The following PRKAR1B variants were observed in gnomAD, a reference collection of about 807,000 sequenced individuals.
PRKAR1B encodes the protein cAMP-dependent protein kinase type I-beta regulatory subunit.
Under a neutral mutation model 46.5 loss-of-function variants are expected in PRKAR1B, and 22 were observed. The observed-to-expected ratio is 0.47, with a 90% CI of 0.34 to 0.68. The LOEUF is 0.68. Ranked by LOEUF, PRKAR1B falls within the 30% of genes least tolerant of loss-of-function variation. The pLI is 0.01. For synonymous variants in PRKAR1B, 259 were observed against 217.7 expected (o/e 1.19, Z -1.67); for missense variants, 445 against 535.6 (o/e 0.83, Z 1.67).
In PRKAR1B at chr7:666,374, G is replaced by A. The variant is rs1405687054; in HGVS notation, c.440+10855C>T. ...GGAGCACGCGGGGCTGCTTCCTGAG[G>A]CTGCTGAGGTCCCTGGCCGAGGCGT... On this transcript the variant is annotated intron_variant, in intron 4 of 10. Coordinates refer to ENST00000537384, the MANE Select transcript of PRKAR1B (RefSeq NM_001164760.2). This position sits in a 1 kb window ranked among gnomAD's most constrained non-coding sequence, Gnocchi z 4.9. Among the ~76,000 whole-genome samples, 2 of 152,154 alleles carry A rather than the reference G, an allele frequency of 1.3e-5. No individual in the cohort carries two copies. Among genetic ancestry groups the A allele is most frequent in the African/African-American group, 4.8e-5 (2 of 41,438 alleles).
chr7:615,825 C>CAAAAAAAAAAAAAAAAA (rs71016887), intron 4 of PRKAR1B, among the ~76,000 whole-genome samples: 1 of 94,450 alleles, frequency 1.1e-5, no homozygotes. Flanking sequence ...AAGACTCCAT[C>CAAAAAAAAAAAAAAAAA]AAAAAAAAAA....
At chr7:556,146 A>C (rs1381227707) in intron 9 of PRKAR1B, among the ~76,000 whole-genome samples, 1 of 152,122 alleles carries the variant, frequency 6.6e-6, no homozygotes, top group Non-Finnish European at 1.5e-5. Flanking sequence ...GCACCCCTGA[A>C]GCCTTTGTGA....
chr7:692,457 A>G (rs1779487127), intron 2 of PRKAR1B, among the ~76,000 whole-genome samples: 1 of 152,048 alleles, frequency 6.6e-6, no homozygotes, highest in East Asian at 1.9e-4. Context: ...GGAGAAGAGA[A>G]GAGGAGAAGA....
In PRKAR1B at chr7:590,560, C is replaced by T. The variant is rs996852695; in HGVS notation, c.708+5586G>A. 7.2e-5 allele frequency among the ~76,000 whole-genome samples: 11 copies of T among 152,240 alleles called. No homozygotes were observed. In the East Asian group the frequency reaches 7.7e-4, roughly 11 times the overall value. ...CCCAGGCCTTGCAAGTCACAGCAGA[C>T]GCAGACGCAGGAGATGCAGGTGGGA... is the stretch of plus-strand genomic sequence containing the variant. On this transcript the variant is annotated intron_variant, in intron 7 of 10. Transcript: ENST00000537384.
chr7:638,650 A>C (rs990632969), intron 4 of PRKAR1B, among the ~76,000 whole-genome samples: 3 of 152,262 alleles, frequency 2.0e-5, no homozygotes, highest in Admixed American at 2.0e-4. Context: ...GAAGACGGGC[A>C]GGACTTCGAA....
intron 9 of PRKAR1B, among the ~76,000 whole-genome samples, chr7:571,201 A>C (rs1375523126): frequency 1.3e-5 from 2 of 152,052 alleles, no homozygotes; most frequent in Non-Finnish European, 2.9e-5. Flanking sequence ...TGGCACCGGC[A>C]CTGTCCAAGA....
chr7:634,557 T>G (rs1583331740), intron 4 of PRKAR1B, among the ~76,000 whole-genome samples: 1 of 151,804 alleles, frequency 6.6e-6, no homozygotes, highest in Admixed American at 6.6e-5. Flanking sequence ...GGGTGAGCGC[T>G]GTGCCTGTGA....
chr7:614,480 G>A (rs1026243872), intron 4 of PRKAR1B, among the ~76,000 whole-genome samples: 2 of 152,232 alleles, frequency 1.3e-5, no homozygotes, highest in Non-Finnish European at 2.9e-5. Context: ...GCCAGATGTG[G>A]TGGGTGGCTC....
intron 7 of PRKAR1B, among the ~76,000 whole-genome samples, chr7:591,508 G>A (rs560863607): frequency 1.3e-5 from 2 of 152,308 alleles, no homozygotes; most frequent in South Asian, 4.1e-4. Context: ...CCTCAGCTCT[G>A]CCCCATCTTG....
chr7:710,709 G>A (rs1044433405), intron 2 of PRKAR1B, among the ~76,000 whole-genome samples: 2 of 148,388 alleles, frequency 1.3e-5, no homozygotes, highest in African/African-American at 2.5e-5. Context: ...GCAGTGGTGC[G>A]ATCTCAGCTC....
At chr7:578,121 C>A (rs908933336) in intron 9 of PRKAR1B, among the ~76,000 whole-genome samples, 17 of 152,224 alleles carry the variant, frequency 1.1e-4, no homozygotes, top group Non-Finnish European at 1.8e-4. Flanking sequence ...GGCTTGCACC[C>A]TGGCCCTGTT....
chr7:576,436 C>T (rs1038462189), intron 9 of PRKAR1B, among the ~76,000 whole-genome samples: 1 of 152,194 alleles, frequency 6.6e-6, no homozygotes, highest in Admixed American at 6.5e-5. Context: ...CTGATAACGG[C>T]TCCCCCGCAA....
chr7:718,251 T>G (rs1780947356), intron 1 of PRKAR1B, among the ~76,000 whole-genome samples: 1 of 115,428 alleles, frequency 8.7e-6, no homozygotes, highest in Non-Finnish European at 1.8e-5. Flanking sequence ...GGAAGCTTTA[T>G]AGATACACAC....
chr7:679,329 CG>C (rs1466854476), intron 3 of PRKAR1B, among the ~76,000 whole-genome samples: 1 of 152,164 alleles, frequency 6.6e-6, no homozygotes, highest in African/African-American at 2.4e-5. Context: ...CTGTCTCCCC[CG>C]TGGCCTCCGG....
intron 4 of PRKAR1B, among the ~76,000 whole-genome samples, chr7:635,015 A>C (rs1202191673): frequency 6.6e-6 from 1 of 152,232 alleles, no homozygotes; most frequent in Non-Finnish European, 1.5e-5. Flanking sequence ...CACAGAACTG[A>C]TGAAGCAAAT....
rs200894141 is a variant in PRKAR1B, at chr7:560,359, A to AAATAATAATAATAATAATAATAAT, written c.892-8913_892-8890dup. On this transcript the variant is annotated intron_variant, in intron 9 of 10. Transcript: ENST00000537384. The surrounding 1 kb of genome is among the most constrained non-coding windows in gnomAD (Gnocchi z 4.2). Reference sequence around the variant, plus strand: ...TAGCAGTGTTAGAATGAACTAATACAAATAATAATAATAATAATAATAATA... The same window carrying AAATAATAATAATAATAATAATAAT: ...TAGCAGTGTTAGAATGAACTAATACAAATAATAATAATAATAATAATAATAATAATAATAATAATAATAATAATA... Among the ~76,000 whole-genome samples, 1 of 146,564 alleles carries AAATAATAATAATAATAATAATAAT rather than the reference A, an allele frequency of 6.8e-6. No individual in the cohort carries two copies. The highest frequency in any genetic ancestry group is 2.5e-5 in the African/African-American group (1 of 40,070).
chr7:644,641 G>A lies in PRKAR1B; in HGVS notation c.440+32588C>T, dbSNP rs1273751574. ...AGGGCCGTTCTCAGCCTCAGCAGCT[G>A]AGCGTCCACCCCCAGGCCTCCGGAC... On this transcript the variant is annotated intron_variant, in intron 4 of 10. Coordinates refer to ENST00000537384, the MANE Select transcript of PRKAR1B (RefSeq NM_001164760.2). This position sits in a 1 kb window ranked among gnomAD's most constrained non-coding sequence, Gnocchi z 4.9. Among the ~76,000 whole-genome samples, 1 of 152,182 alleles carries A rather than the reference G, an allele frequency of 6.6e-6. No individual in the cohort carries two copies. Among genetic ancestry groups the A allele is most frequent in the Non-Finnish European group, 1.5e-5 (1 of 68,024 alleles).
intron 4 of PRKAR1B, among the ~76,000 whole-genome samples, chr7:620,858 C>A (rs1411451172): frequency 1.3e-5 from 2 of 152,214 alleles, no homozygotes; most frequent in African/African-American, 4.8e-5. Flanking sequence ...CATTGTGGTC[C>A]CTCCCTTAAA....
At chr7:583,207 G>A (rs1387706390) in intron 8 of PRKAR1B, among the ~76,000 whole-genome samples, 1 of 152,118 alleles carries the variant, frequency 6.6e-6, no homozygotes. Flanking sequence ...CGGTCGGCGT[G>A]CTGTGACGTG....
Sources: gnomAD v4.1 joint callset for allele counts (sites outside exome capture counted in the v4.1 genomes callset) on GRCh38, gnomAD v4.1.1 for gene constraint, Gnocchi (gnomAD v3.1) non-coding constraint, MANE v1.5 for transcripts, NCBI Gene and HGNC (gene_info 2026-07-23, HGNC 2026-07-21) for gene names.